The following CNTLN variants were observed in gnomAD, a reference collection of about 807,000 sequenced individuals.
CNTLN encodes the protein centlein, centrosomal protein.
In CNTLN, 212 loss-of-function variants were observed where a neutral mutation model predicts 180.0. The observed-to-expected ratio is 1.18, with a 90% CI of 1.05 to 1.32. The LOEUF is 1.32. Among genes scored for constraint, CNTLN ranks in the 40% most tolerant of loss-of-function variants. CNTLN has a pLI of 0.00. For synonymous variants in CNTLN, 722 were observed against 563.1 expected (o/e 1.28, Z -3.99); for missense variants, 2,095 against 1,610.9 (o/e 1.30, Z -5.14).
chr9:17,181,037 A>G (rs116271269), intron 2 of CNTLN, among the ~76,000 whole-genome samples: 443 of 152,148 alleles, frequency 2.9e-3, no homozygotes, highest in African/African-American at 9.9e-3. Flanking sequence ...GATTTATTTG[A>G]GATTATTGTG....
intron 2 of CNTLN, among the ~76,000 whole-genome samples, chr9:17,158,156 C>T (rs1032572619): frequency 6.6e-6 from 1 of 152,108 alleles, no homozygotes; most frequent in Non-Finnish European, 1.5e-5. Flanking sequence ...TTGAGATGAT[C>T]ATGTGATTTT....
Position 17,422,031 on chromosome 9 carries a change from C to G in CNTLN, c.3114+5842C>G, listed in dbSNP as rs1308090899. ...TCTTACTGCTTATCTACATCCTTTT[C>G]TTTCAGGTTGTAGAACTCCCTTTAG... On this transcript the variant is annotated intron_variant, in intron 18 of 25. Coordinates refer to ENST00000380647, the MANE Select transcript of CNTLN (RefSeq NM_017738.4). Among the ~76,000 whole-genome samples the G allele has an allele frequency of 2.6e-5, 4 of 152,076 alleles. No homozygotes were observed. In the East Asian group the frequency reaches 5.8e-4, roughly 22 times the overall value.
At chr9:17,157,344 C>G (rs938374375) in intron 2 of CNTLN, among the ~76,000 whole-genome samples, 5 of 151,984 alleles carry the variant, frequency 3.3e-5, no homozygotes. Context: ...TTGCTAATAC[C>G]ATTACTTTTT....
intron 10 of CNTLN, among the ~76,000 whole-genome samples, chr9:17,339,280 A>G (rs983176470): frequency 1.3e-5 from 2 of 152,198 alleles, no homozygotes; most frequent in African/African-American, 4.8e-5. Context: ...TGCAGACTCT[A>G]TAAAGTATTA....
At chr9:17,457,389 T>C (rs1292258846) in intron 18 of CNTLN, 135 bp from the exon 19 acceptor site, 29 of 505,570 alleles carry the variant, frequency 5.7e-5, no homozygotes, top group Non-Finnish European at 8.6e-5. Flanking sequence ...TTTGTAAAGT[T>C]TGTATAATAA....
Position 17,294,973 on chromosome 9 carries a change from G to T in CNTLN, c.984-3217G>T, listed in dbSNP as rs1209358172. ...TGGTGGGCTGCAGGTCCCCAGCCCT[G>T]CCGCACAGGGAGGCAGCTAAGGCCC... On this transcript the variant is annotated intron_variant, in intron 6 of 25. Transcript: ENST00000380647. Among the ~76,000 whole-genome samples the T allele has an allele frequency of 2.0e-5, 3 of 150,106 alleles. No individual in the cohort carries two copies. In the South Asian group the frequency reaches 6.4e-4, roughly 32 times the overall value.
chr9:17,487,811 G>A (rs1032350294), intron 25 of CNTLN, among the ~76,000 whole-genome samples: 16 of 151,982 alleles, frequency 1.1e-4, no homozygotes, highest in Non-Finnish European at 2.4e-4. Context: ...GCTGGGATGC[G>A]CCCCTCTTGT....
intron 13 of CNTLN, among the ~76,000 whole-genome samples, chr9:17,380,961 T>C (rs1264350809): frequency 4.6e-5 from 7 of 152,198 alleles, no homozygotes; most frequent in Non-Finnish European, 4.4e-5. Flanking sequence ...GAGCTTCTTT[T>C]GCCTATGTTT....
At position 17,338,337 on chromosome 9, in the gene CNTLN, G is replaced by GTTTTTTTTTT. The variant is rs71331486; in HGVS notation, c.1645-2481_1645-2472dup. ...CTGCTATCACTCCTGGCTAATTTTT[G>GTTTTTTTTTT]TTTTTTTTTTTTTTTTTTAGAGATG... is the stretch of plus-strand genomic sequence containing the variant. On this transcript the variant is annotated intron_variant, in intron 10 of 25. Coordinates refer to ENST00000380647, the MANE Select transcript of CNTLN (RefSeq NM_017738.4). Among the ~76,000 whole-genome samples the GTTTTTTTTTT allele has an allele frequency of 3.2e-3, 320 of 100,396 alleles. 31 individuals are homozygous for GTTTTTTTTTT. The highest frequency in any genetic ancestry group is 0.019 in the Middle Eastern group (3 of 156). The allele number at this position is 100,396 out of a possible 152,430, so 65.9% of individuals were successfully genotyped here.
intron 5 of CNTLN, among the ~76,000 whole-genome samples, chr9:17,266,314 C>G (rs200785698): frequency 1.3e-5 from 2 of 152,160 alleles, no homozygotes; most frequent in Non-Finnish European, 2.9e-5. Flanking sequence ...TCACTCAGGA[C>G]CAGGTTGTTG....
intron 24 of CNTLN, 81 bp downstream of exon 24, chr9:17,484,561 C>T (rs1409761705): frequency 6.2e-6 from 7 of 1,132,692 alleles, no homozygotes; most frequent in Non-Finnish European, 6.1e-6. Flanking sequence ...TTTTATACCT[C>T]TTAGAATTTC....
At chr9:17,264,044 T>G (rs1459911156) in intron 5 of CNTLN, among the ~76,000 whole-genome samples, 1 of 146,036 alleles carries the variant, frequency 6.8e-6, no homozygotes, top group African/African-American at 2.6e-5. Context: ...GCTCTTTAGT[T>G]TAATTAGATC....
intron 18 of CNTLN, among the ~76,000 whole-genome samples, chr9:17,426,302 A>C (rs1278631197): frequency 2.6e-5 from 4 of 152,232 alleles, no homozygotes; most frequent in Non-Finnish European, 4.4e-5. Flanking sequence ...CCCAGAGTGC[A>C]AAGGCTAAGG....
chr9:17,232,855 T>G (rs969212281), intron 3 of CNTLN, among the ~76,000 whole-genome samples: 1 of 151,878 alleles, frequency 6.6e-6, no homozygotes, highest in Non-Finnish European at 1.5e-5. Flanking sequence ...GGAAGTCGAG[T>G]CTTAAAGGGG....
intron 21 of CNTLN, among the ~76,000 whole-genome samples, chr9:17,465,551 T>G (rs1189599717): frequency 6.7e-6 from 1 of 150,244 alleles, no homozygotes. Context: ...AAGCTATATA[T>G]ATATATAAAA....
chr9:17,406,954 T>C (rs540631762), intron 15 of CNTLN, among the ~76,000 whole-genome samples: 49 of 148,766 alleles, frequency 3.3e-4, no homozygotes, highest in Non-Finnish European at 5.3e-4. Flanking sequence ...ATGACACTTT[T>C]CATACCACTT....
chr9:17,416,232 A>G, intron 18 of CNTLN, 43 bp downstream of exon 18: 2 of 1,456,952 alleles, frequency 1.4e-6, no homozygotes, highest in Non-Finnish European at 1.9e-6. Context: ...ACTATATTGT[A>G]AAAGTGGATA....
chr9:17,290,989 G>T (rs554775677), intron 6 of CNTLN, among the ~76,000 whole-genome samples: 1 of 152,228 alleles, frequency 6.6e-6, no homozygotes, highest in South Asian at 2.1e-4. Flanking sequence ...CATGCTGGGA[G>T]CTGTAGACCG....
At chr9:17,377,721 G>C (rs1824891645) in intron 13 of CNTLN, among the ~76,000 whole-genome samples, 2 of 152,152 alleles carry the variant, frequency 1.3e-5, no homozygotes, top group Non-Finnish European at 2.9e-5. Flanking sequence ...GAACTTTCTA[G>C]ATGTTACTCA....
Sources: gnomAD v4.1 joint callset for allele counts (sites outside exome capture counted in the v4.1 genomes callset) on GRCh38, gnomAD v4.1.1 for gene constraint, MANE v1.5 for transcripts, NCBI Gene and HGNC (gene_info 2026-07-23, HGNC 2026-07-21) for gene names.